The following GRIN2B variants were observed in gnomAD, a reference collection of about 807,000 sequenced individuals.
GRIN2B encodes glutamate receptor ionotropic, NMDA 2B.
Under a neutral mutation model 114.5 loss-of-function variants are expected in GRIN2B, and 5 were observed. That is an observed-to-expected ratio of 0.04 (90% CI 0.02 to 0.09). GRIN2B has a LOEUF of 0.09. GRIN2B is among the 10% of genes least tolerant of loss of function. The probability of loss-of-function intolerance (pLI) is 1.00; values close to 1 mark genes in which losing one functional copy is unlikely to be tolerated. For missense variants in GRIN2B, 1,108 were observed against 1,943.5 expected (o/e 0.57, Z 8.08); for synonymous variants, 787 against 745.1 (o/e 1.06, Z -0.92).
chr12:13,575,673 C>CAATAATAATAATAAT (rs58985272), intron 10 of GRIN2B, among the ~76,000 whole-genome samples: 2,869 of 147,654 alleles, frequency 0.019, 27 homozygotes, highest in African/African-American at 0.026. Flanking sequence ...ATGATAACAA[C>CAATAATAATAATAAT]AATAATAATA....
At chr12:13,639,287 C>T (rs1452636940) in intron 5 of GRIN2B, among the ~76,000 whole-genome samples, 1 of 152,092 alleles carries the variant, frequency 6.6e-6, no homozygotes, top group African/African-American at 2.4e-5. Context: ...GACCCTAGTG[C>T]CAGATAGCGC....
chr12:13,742,752 G>A (rs1180633287), intron 4 of GRIN2B, among the ~76,000 whole-genome samples: 1 of 152,030 alleles, frequency 6.6e-6, no homozygotes, highest in Non-Finnish European at 1.5e-5. Flanking sequence ...TTTTTAACTG[G>A]GCACATTACT....
intron 3 of GRIN2B, among the ~76,000 whole-genome samples, chr12:13,853,426 T>C (rs912297643): frequency 2.0e-5 from 3 of 152,254 alleles, no homozygotes; most frequent in Admixed American, 6.5e-5. Flanking sequence ...ACAATTAGCA[T>C]ATAATATGAA....
At chr12:13,705,869 G>A (rs1490172438) in intron 4 of GRIN2B, among the ~76,000 whole-genome samples, 6 of 152,098 alleles carry the variant, frequency 3.9e-5, no homozygotes, top group African/African-American at 9.7e-5. Flanking sequence ...GAAAGGTGAC[G>A]AGAGTTTGGC....
intron 3 of GRIN2B, among the ~76,000 whole-genome samples, chr12:13,800,864 A>G (rs1209854928): frequency 6.6e-6 from 1 of 152,226 alleles, no homozygotes; most frequent in East Asian, 1.9e-4. Context: ...GCTATGCTAT[A>G]TTCTGATGTA....
At chr12:13,572,065 A>G in intron 10 of GRIN2B, 101 bp from the exon 11 acceptor site, 1 of 934,000 alleles carries the variant, frequency 1.1e-6, no homozygotes, top group Non-Finnish European at 1.7e-6. Context: ...GTAAGTTAGC[A>G]TTAGTGGATT....
chr12:13,940,168 G>T (rs1056551543), intron 2 of GRIN2B, among the ~76,000 whole-genome samples: 5 of 152,044 alleles, frequency 3.3e-5, no homozygotes, highest in Admixed American at 3.3e-4. Flanking sequence ...TTTGCAATAG[G>T]GCCTGCCTTT....
intron 10 of GRIN2B, among the ~76,000 whole-genome samples, chr12:13,592,032 G>A (rs1301099482): frequency 6.6e-6 from 1 of 152,176 alleles, no homozygotes; most frequent in African/African-American, 2.4e-5. Context: ...TACTGTCTCA[G>A]GAGCTGGAAA....
At chr12:13,947,219 T>A (rs994610990) in intron 2 of GRIN2B, among the ~76,000 whole-genome samples, 8 of 152,228 alleles carry the variant, frequency 5.3e-5, no homozygotes, top group Admixed American at 2.6e-4. Flanking sequence ...CTGTTGCTTT[T>A]CCCACTGACT....
intron 1 of GRIN2B, among the ~76,000 whole-genome samples, chr12:13,981,021 C>T (rs1210652174): frequency 6.6e-6 from 1 of 152,182 alleles, no homozygotes; most frequent in Non-Finnish European, 1.5e-5. Flanking sequence ...GCTTCACCTG[C>T]AACGTGTCGA....
chr12:13,676,771 G>A (rs1393147579), intron 4 of GRIN2B, among the ~76,000 whole-genome samples: 1 of 152,114 alleles, frequency 6.6e-6, no homozygotes, highest in Non-Finnish European at 1.5e-5. Flanking sequence ...TAAGAGTTGT[G>A]AGATGAGTAC....
chr12:13,606,012 G>A (rs1388003132), intron 10 of GRIN2B, among the ~76,000 whole-genome samples: 1 of 152,080 alleles, frequency 6.6e-6, no homozygotes, highest in Non-Finnish European at 1.5e-5. Flanking sequence ...GTCATGCATG[G>A]TGACATGGCC....
In GRIN2B at chr12:13,557,143, G is replaced by C. The variant is rs1948486514; in HGVS notation, c.*5640C>G. ...AATGTGGTTGGAATGAGTTGAGGGT[G>C]GGATGTTCTCAGATATCCTATGATT... On this transcript the variant is annotated 3_prime_UTR_variant, in exon 14 of 14. Coordinates refer to ENST00000609686, the MANE Select transcript of GRIN2B (RefSeq NM_000834.5). 1 of 152,076 alleles carries C rather than the reference G, an allele frequency of 6.6e-6. No individual in the cohort carries two copies. The highest frequency in any genetic ancestry group is 2.4e-5 in the African/African-American group (1 of 41,424). 9.4% of individuals were successfully genotyped at this position (152,076 alleles called of 1,614,324 possible).
chr12:13,772,846 T>A (rs1863931180), intron 3 of GRIN2B, among the ~76,000 whole-genome samples: 1 of 152,168 alleles, frequency 6.6e-6, no homozygotes, highest in African/African-American at 2.4e-5. Context: ...ACACTTTCCA[T>A]TGCTATTTCT....
intron 2 of GRIN2B, among the ~76,000 whole-genome samples, chr12:13,881,786 C>A (rs1171709480): frequency 2.0e-5 from 3 of 152,080 alleles, no homozygotes; most frequent in Non-Finnish European, 4.4e-5. Context: ...GAATCATTTT[C>A]TCCTGCTTGC....
Position 13,551,217 on chromosome 12 carries a change from C to T in GRIN2B, c.*11566G>A, listed in dbSNP as rs1172736603. The T allele has an allele frequency of 6.6e-6, 1 of 152,020 alleles. No homozygotes were observed. The highest frequency in any genetic ancestry group is 2.4e-5 in the African/African-American group (1 of 41,386). 9.4% of individuals were successfully genotyped at this position (152,020 alleles called of 1,614,324 possible). On this transcript the variant is annotated 3_prime_UTR_variant, in exon 14 of 14. Transcript: ENST00000609686. ...AGGGATTCTCAAGGAATTCTCCTAC[C>T]CTTATTCCTCCCATTGAGAACAGAC... is the stretch of plus-strand genomic sequence containing the variant.
At chr12:13,587,546 A>G (rs1948946183) in intron 10 of GRIN2B, among the ~76,000 whole-genome samples, 1 of 151,502 alleles carries the variant, frequency 6.6e-6, no homozygotes, top group South Asian at 2.1e-4. Context: ...GTAAAGACAG[A>G]TATTTGTCTT....
At chr12:13,909,327 G>A (rs1866594170) in intron 2 of GRIN2B, among the ~76,000 whole-genome samples, 1 of 152,200 alleles carries the variant, frequency 6.6e-6, no homozygotes, top group Non-Finnish European at 1.5e-5. Flanking sequence ...CTTTGGTAAG[G>A]ACTACCTGGA....
intron 4 of GRIN2B, among the ~76,000 whole-genome samples, chr12:13,733,296 GTTTT>G (rs5796558): frequency 6.8e-6 from 1 of 146,694 alleles, no homozygotes; most frequent in Admixed American, 6.8e-5. Flanking sequence ...ATGGTTTCAA[GTTTT>G]TTTTTTTTTT....
Sources: gnomAD v4.1 joint callset for allele counts (sites outside exome capture counted in the v4.1 genomes callset) on GRCh38, gnomAD v4.1.1 for gene constraint, MANE v1.5 for transcripts, NCBI Gene and HGNC (gene_info 2026-07-23, HGNC 2026-07-21) for gene names.